Variants in DIP2C observed in about 807,000 individuals in gnomAD.
DIP2C encodes disco-interacting protein 2 homolog C.
Under a neutral mutation model 192.4 loss-of-function variants are expected in DIP2C, and 33 were observed. The observed-to-expected ratio is 0.17, with a 90% CI of 0.13 to 0.23. The LOEUF (loss-of-function observed/expected upper bound fraction) is 0.23, where lower values mean the gene tolerates loss of function less well. Among genes scored for constraint, DIP2C ranks in the 10% least tolerant of loss-of-function variants. The pLI, the probability that DIP2C is intolerant of heterozygous loss-of-function variation, is 1.00. For synonymous variants in DIP2C, 979 were observed against 864.1 expected, an observed-to-expected ratio of 1.13 and a Z score of -2.33; for missense variants, 1,537 against 2,110.1, an observed-to-expected ratio of 0.73 and a Z score of 5.32.
In DIP2C at chr10:580,227, G is replaced by A. The variant is rs184394129; in HGVS notation, c.86-93697C>T. Reference sequence around the variant, plus strand: ...ACATATATATAATGTATATATGTCAGTACACTAACATATACATGTGTAAAG... The same window carrying A: ...ACATATATATAATGTATATATGTCAATACACTAACATATACATGTGTAAAG... On this transcript the variant is annotated intron_variant, in intron 1 of 36. Coordinates refer to ENST00000280886, the MANE Select transcript of DIP2C (RefSeq NM_014974.3). Among the ~76,000 whole-genome samples the A allele has an allele frequency of 2.6e-3, 396 of 151,408 alleles. 2 individuals are homozygous for A. Among genetic ancestry groups the A allele is most frequent in the Non-Finnish European group, 4.2e-3 (283 of 67,966 alleles).
At chr10:430,549 T>TG (rs1424265351) in intron 4 of DIP2C, 2 of 152,250 alleles carry the variant, frequency 1.3e-5, no homozygotes, top group Admixed American at 1.3e-4. Flanking sequence ...ATTGTTGACT[T>TG]TTAAGAGTTC....
intron 3 of DIP2C, among the ~76,000 whole-genome samples, chr10:449,642 G>A (rs2133321436): frequency 8.3e-6 from 1 of 120,922 alleles, no homozygotes; most frequent in East Asian, 2.8e-4. Context: ...GGGGTCGGGG[G>A]AGGGGGGAGG....
At chr10:388,036 T>C (rs1963126087) in intron 13 of DIP2C, among the ~76,000 whole-genome samples, 1 of 152,016 alleles carries the variant, frequency 6.6e-6, no homozygotes, top group Non-Finnish European at 1.5e-5. Flanking sequence ...CAGCGTTAGC[T>C]CTCCACACTG....
rs35031456 is a variant in DIP2C, at chr10:334,304, CA to C, written c.3585-4704del. 6.5e-3 allele frequency among the ~76,000 whole-genome samples: 536 copies of C among 82,370 alleles called. 1 individual carries two copies. The highest frequency in any genetic ancestry group is 0.026 in the African/African-American group (503 of 19,392). 54.0% of individuals were successfully genotyped at this position (82,370 alleles called of 152,430 possible). A position where few individuals can be genotyped will look rare whatever the true frequency, so the allele number is the denominator to read the frequency against. Reference sequence around the variant, plus strand: ...CCCGGGTGACAGAGCAAGACTGTCTCAAAAAAAAAAAAAAAAAAAAAGAAAA... The same window carrying C: ...CCCGGGTGACAGAGCAAGACTGTCTCAAAAAAAAAAAAAAAAAAAAGAAAA... On this transcript the variant is annotated intron_variant, in intron 29 of 36. Coordinates refer to ENST00000280886, the MANE Select transcript of DIP2C (RefSeq NM_014974.3).
chr10:290,084 C>G (rs1955412296), intron 32 of DIP2C, among the ~76,000 whole-genome samples: 1 of 152,220 alleles, frequency 6.6e-6, no homozygotes, highest in Admixed American at 6.5e-5. Context: ...TGCGGGAGAA[C>G]AGAGAGGAGA....
rs564336009 is a variant in DIP2C at position 522,077 on chromosome 10, C to G, written c.86-35547G>C. On this transcript the variant is annotated intron_variant, in intron 1 of 36. Transcript: ENST00000280886. ...CCCCACCCTAAACAGCCCCTATGCT[C>G]CTCCCATTCACCCCTCCCCTCCCCA... is the stretch of plus-strand genomic sequence containing the variant. Among the ~76,000 whole-genome samples, 27 of 152,008 alleles carry G rather than the reference C, an allele frequency of 1.8e-4. No individual in the cohort carries two copies. The East Asian group carries it at 4.5e-3, about 25-fold the overall frequency.
chr10:384,397 C>T (rs558136504), intron 15 of DIP2C, 149 bp downstream of exon 15: 2 of 899,784 alleles, frequency 2.2e-6, no homozygotes, highest in South Asian at 1.7e-5. Context: ...GCCATCAGGC[C>T]TGGCTAATTT....
chr10:624,853 T>A (rs1854093687), intron 1 of DIP2C, among the ~76,000 whole-genome samples: 1 of 150,510 alleles, frequency 6.6e-6, no homozygotes, highest in African/African-American at 2.4e-5. Flanking sequence ...AAGACGGAGG[T>A]GTGCATGTGG....
At chr10:296,136 T>C (rs1280251799) in intron 32 of DIP2C, among the ~76,000 whole-genome samples, 1 of 152,236 alleles carries the variant, frequency 6.6e-6, no homozygotes, top group African/African-American at 2.4e-5. Flanking sequence ...TAGATCCCAT[T>C]TGCCAATTCT....
intron 1 of DIP2C, among the ~76,000 whole-genome samples, chr10:609,522 G>A (rs542718240): frequency 5.0e-4 from 76 of 152,164 alleles, no homozygotes; most frequent in African/African-American, 1.7e-3. Context: ...ACCCACTTAA[G>A]ATTTCATAAT....
At chr10:362,029 A>G (rs566982886) in intron 22 of DIP2C, among the ~76,000 whole-genome samples, 1 of 152,260 alleles carries the variant, frequency 6.6e-6, no homozygotes, top group East Asian at 1.9e-4. Flanking sequence ...AACTGTGCCA[A>G]TCAAACACCA....
chr10:473,991 G>A (rs996100374), intron 2 of DIP2C, among the ~76,000 whole-genome samples: 4 of 152,200 alleles, frequency 2.6e-5, no homozygotes, highest in Non-Finnish European at 4.4e-5. Context: ...TAAGTTTCAT[G>A]TGCTTTTCTT....
Position 294,679 on chromosome 10 carries a change from C to A in DIP2C, c.3987-6258G>T, listed in dbSNP as rs190768914. 7.1e-4 allele frequency among the ~76,000 whole-genome samples: 107 copies of A among 151,738 alleles called. 1 individual carries two copies. Among genetic ancestry groups the A allele is most frequent in the African/African-American group, 2.4e-3 (101 of 41,352 alleles). Reference sequence around the variant, plus strand: ...GGATAAATTGTTTATCAATTTATGTCCATTCATAAAGTTTCCATGACATTC... The same window carrying A: ...GGATAAATTGTTTATCAATTTATGTACATTCATAAAGTTTCCATGACATTC... On this transcript the variant is annotated intron_variant, in intron 32 of 36. Coordinates refer to ENST00000280886, the MANE Select transcript of DIP2C (RefSeq NM_014974.3).
intron 1 of DIP2C, among the ~76,000 whole-genome samples, chr10:545,320 C>G (rs1848229007): frequency 6.6e-6 from 1 of 152,076 alleles, no homozygotes; most frequent in Non-Finnish European, 1.5e-5. Flanking sequence ...GCACCTGCCA[C>G]AACGCCCAGG....
intron 31 of DIP2C, among the ~76,000 whole-genome samples, chr10:323,602 CTTAA>C (rs1328712002): frequency 2.0e-5 from 3 of 152,162 alleles, no homozygotes; most frequent in African/African-American, 7.2e-5. Context: ...CTGGCAGTGT[CTTAA>C]TTTTTTGTGT....
intron 1 of DIP2C, among the ~76,000 whole-genome samples, chr10:648,700 A>T (rs1260784106): frequency 6.8e-6 from 1 of 148,112 alleles, no homozygotes; most frequent in East Asian, 2.1e-4. Context: ...TCCACATTGG[A>T]CGGTAGGAGA....
intron 1 of DIP2C, among the ~76,000 whole-genome samples, chr10:617,028 G>A (rs61833003): frequency 0.033 from 5,097 of 152,208 alleles, 155 homozygotes; most frequent in African/African-American, 0.078. Context: ...CATAAAATGC[G>A]TAGCACATGG....
At chr10:685,929 C>G (rs1831314066) in intron 1 of DIP2C, among the ~76,000 whole-genome samples, 2 of 142,706 alleles carry the variant, frequency 1.4e-5, no homozygotes, top group South Asian at 5.1e-4. Flanking sequence ...CCACTGCACT[C>G]CAGCATGGGA....
rs540131457 is a variant in DIP2C at position 571,592 on chromosome 10, C to T, written c.86-85062G>A. Among the ~76,000 whole-genome samples, 8 of 152,266 alleles carry T rather than the reference C, an allele frequency of 5.3e-5. No homozygotes were observed. In the South Asian group the frequency reaches 1.0e-3, roughly 20 times the overall value. On this transcript the variant is annotated intron_variant, in intron 1 of 36. Transcript: ENST00000280886. ...ACTTCCCCATCCAACTCAGCTGACA[C>T]ATTCTCAGTCAGGTCAGTAGAGGGT...
Sources: gnomAD v4.1 joint callset for allele counts (sites outside exome capture counted in the v4.1 genomes callset) on GRCh38, gnomAD v4.1.1 for gene constraint, MANE v1.5 for transcripts, NCBI Gene and HGNC (gene_info 2026-07-23, HGNC 2026-07-21) for gene names.